The following HS6ST2 variants were observed in gnomAD, a reference collection of about 807,000 sequenced individuals.
HS6ST2 encodes the protein heparan-sulfate 6-O-sulfotransferase 2.
In HS6ST2, 17 loss-of-function variants were observed where a neutral mutation model predicts 33.0. The observed-to-expected ratio is 0.52, with a 90% CI of 0.35 to 0.77. The LOEUF (loss-of-function observed/expected upper bound fraction) is 0.77. HS6ST2 is among the 30% of genes least tolerant of loss of function. HS6ST2 has a pLI of 0.01. For missense variants in HS6ST2, 519 were observed against 551.7 expected (o/e 0.94, Z 0.59); for synonymous variants, 248 against 237.1 (o/e 1.05, Z -0.42).
intron 2 of HS6ST2, among the ~76,000 whole-genome samples, chrX:132,935,540 T>A (rs948706321): frequency 8.9e-6 from 1 of 111,928 alleles, no homozygotes; most frequent in Non-Finnish European, 1.9e-5. Flanking sequence ...ATTTTTTGTA[T>A]TTTTGGTAGA....
intron 4 of HS6ST2, among the ~76,000 whole-genome samples, chrX:132,653,637 C>A (rs1240713898): frequency 9.0e-6 from 1 of 111,654 alleles, no homozygotes; most frequent in African/African-American, 3.3e-5. Flanking sequence ...GGTATGGGGA[C>A]AGATGTCCAC....
At chrX:132,870,658 C>G (rs1373561292) in intron 2 of HS6ST2, among the ~76,000 whole-genome samples, 1 of 111,652 alleles carries the variant, frequency 9.0e-6, no homozygotes, top group African/African-American at 3.3e-5. Context: ...CAAAAACAAG[C>G]AATGGGGAAA....
chrX:132,783,989 G>A (rs1474642459), intron 2 of HS6ST2, among the ~76,000 whole-genome samples: 1 of 111,565 alleles, frequency 9.0e-6, no homozygotes, highest in Admixed American at 9.5e-5. Flanking sequence ...AGGAGAGGGA[G>A]GCAATCCAAA....
chrX:132,895,395 A>T (rs2066363963), intron 2 of HS6ST2, among the ~76,000 whole-genome samples: 1 of 111,662 alleles, frequency 9.0e-6, no homozygotes, highest in Non-Finnish European at 1.9e-5. Flanking sequence ...CTTCCACGGA[A>T]ATCATTCTAA....
At chrX:132,924,839 T>C (rs2066694648) in intron 2 of HS6ST2, among the ~76,000 whole-genome samples, 1 of 111,308 alleles carries the variant, frequency 9.0e-6, no homozygotes. Context: ...AAAACAAAAA[T>C]TAGCCGTGTG....
chrX:132,932,328 G>A (rs2066780367), intron 2 of HS6ST2, among the ~76,000 whole-genome samples: 1 of 111,510 alleles, frequency 9.0e-6, no homozygotes, highest in South Asian at 3.8e-4. Context: ...GATAACAACA[G>A]AGACAGACTG....
intron 2 of HS6ST2, among the ~76,000 whole-genome samples, chrX:132,712,957 G>A (rs1297137930): frequency 1.8e-5 from 2 of 111,216 alleles, no homozygotes; most frequent in East Asian, 2.8e-4. Flanking sequence ...CCCGGGAGGA[G>A]GAGGTTGCAG....
intron 2 of HS6ST2, among the ~76,000 whole-genome samples, chrX:132,837,814 A>G (rs2065659473): frequency 8.9e-6 from 1 of 111,912 alleles, no homozygotes; most frequent in Admixed American, 9.5e-5. Context: ...CTTTCATCTC[A>G]CAACCATTTT....
chrX:132,843,463 T>C (rs1218315208), intron 2 of HS6ST2, among the ~76,000 whole-genome samples: 1 of 111,593 alleles, frequency 9.0e-6, no homozygotes, highest in East Asian at 2.8e-4. Context: ...TCTACATACA[T>C]GTGCATAACA....
chrX:132,958,545 C>T lies in HS6ST2; in HGVS notation c.58G>A (p.Gly20Arg), dbSNP rs1221772038. 8.4e-7 allele frequency: 1 copy of T among 1,184,094 alleles called. No individual in the cohort carries two copies. Among genetic ancestry groups the T allele is most frequent in the South Asian group, 1.9e-5 (1 of 53,718 alleles). ...GGACAGGTGGTGCGGACGGGCGCTC[C>T]TCGCTCCGGTTGCCGCGGCGGCTCG... is the stretch of plus-strand genomic sequence containing the variant. ...EFEPPRQPER[G>R]APVRTTCPRR... Residue 20 changes from glycine to arginine, a missense_variant, in exon 1 of 5, where the codon GGA (glycine) becomes AGA (arginine). Transcript: ENST00000370833.
intron 2 of HS6ST2, among the ~76,000 whole-genome samples, chrX:132,864,221 G>C (rs1263337985): frequency 9.1e-6 from 1 of 109,715 alleles, no homozygotes; most frequent in African/African-American, 3.3e-5. Flanking sequence ...CTCCTCGCGA[G>C]CAAGGGAACA....
chrX:132,785,454 T>C (rs2065052774), intron 2 of HS6ST2, among the ~76,000 whole-genome samples: 1 of 111,899 alleles, frequency 8.9e-6, no homozygotes. Context: ...ACAACAGGTT[T>C]ACTCAACGAC....
chrX:132,936,876 A>G (rs956188840), intron 2 of HS6ST2, among the ~76,000 whole-genome samples: 2 of 111,542 alleles, frequency 1.8e-5, no homozygotes, highest in Non-Finnish European at 3.8e-5. Flanking sequence ...AGAAAAAAAA[A>G]AAAGAAAGAA....
At chrX:132,947,289 T>C (rs1357146440) in intron 2 of HS6ST2, among the ~76,000 whole-genome samples, 1 of 110,251 alleles carries the variant, frequency 9.1e-6, no homozygotes, top group Non-Finnish European at 1.9e-5. Flanking sequence ...TGTGTATATA[T>C]ATATACCCAT....
chrX:132,920,006 G>A (rs891704437), intron 2 of HS6ST2, among the ~76,000 whole-genome samples: 1 of 111,773 alleles, frequency 8.9e-6, no homozygotes, highest in Non-Finnish European at 1.9e-5. Flanking sequence ...ATTAAAGAGG[G>A]AAGAAAACAA....
At chrX:132,705,219 G>A (rs761896170) in intron 3 of HS6ST2, among the ~76,000 whole-genome samples, 10 of 105,177 alleles carry the variant, frequency 9.5e-5, no homozygotes, top group Admixed American at 2.0e-4. Context: ...GTGTGTGTAC[G>A]TGTGGAAAAG....
chrX:132,670,991 C>T lies in HS6ST2; in HGVS notation c.981-1792G>A, dbSNP rs762085916. ...CTGGAATGAAGTGCTGGGATTCCTG[C>T]ACAGTGCAGGGACCATTACCCCGTA... On this transcript the variant is annotated intron_variant, in intron 3 of 4. Transcript: ENST00000370833. Among the ~76,000 whole-genome samples, 12 of 111,840 alleles carry T rather than the reference C, an allele frequency of 1.1e-4. No individual in the cohort carries two copies. The South Asian group carries it at 4.2e-3, about 39-fold the overall frequency.
intron 2 of HS6ST2, among the ~76,000 whole-genome samples, chrX:132,788,436 A>G (rs978970229): frequency 9.0e-6 from 1 of 111,551 alleles, no homozygotes; most frequent in Non-Finnish European, 1.9e-5. Context: ...CTAACTAGCC[A>G]TTCCTTCATC....
chrX:132,786,353 G>T (rs2065060410), intron 2 of HS6ST2, among the ~76,000 whole-genome samples: 1 of 111,278 alleles, frequency 9.0e-6, no homozygotes, highest in Non-Finnish European at 1.9e-5. Flanking sequence ...GTAAAATCTT[G>T]AAGATGTGGC....
Sources: allele counts gnomAD v4.1 joint callset (sites outside exome capture counted in the v4.1 genomes callset), GRCh38; gene constraint gnomAD v4.1.1; transcripts MANE v1.5; gene names NCBI Gene and HGNC (gene_info 2026-07-23, HGNC 2026-07-21).